SOX6: variants seen among roughly 807,000 people sequenced by gnomAD.
The protein encoded by SOX6 is transcription factor SOX-6.
SOX6 carries 11 observed loss-of-function variants against 97.8 expected under a neutral mutation model. That is an observed-to-expected ratio of 0.11 (90% CI 0.07 to 0.19). The LOEUF is 0.19. SOX6 is among the 10% of genes least tolerant of loss of function. The pLI is 1.00. For synonymous variants in SOX6, 360 were observed against 371.4 expected (o/e 0.97, Z 0.35); for missense variants, 810 against 1,039.5 (o/e 0.78, Z 3.04).
chr11:16,136,797 T>C (rs79275336), intron 6 of SOX6, among the ~76,000 whole-genome samples: 12,368 of 152,140 alleles, frequency 0.081, 1,054 homozygotes, highest in East Asian at 0.37. Context: ...TATTATGAAA[T>C]CCACTTTATT....
chr11:16,525,241 G>C (rs1490722661), intron 4 of SOX6, among the ~76,000 whole-genome samples: 3 of 152,012 alleles, frequency 2.0e-5, no homozygotes, highest in Non-Finnish European at 2.9e-5. Context: ...ATACTACAAG[G>C]CTACAGTAAC....
At chr11:16,169,278 C>A (rs1850968656) in intron 6 of SOX6, among the ~76,000 whole-genome samples, 1 of 151,992 alleles carries the variant, frequency 6.6e-6, no homozygotes, top group Admixed American at 6.6e-5. Flanking sequence ...AATCAGAAGA[C>A]AATTATTGTT....
intron 6 of SOX6, among the ~76,000 whole-genome samples, chr11:16,115,100 G>T (rs1298816339): frequency 6.6e-6 from 1 of 152,210 alleles, no homozygotes; most frequent in Admixed American, 6.5e-5. Context: ...CTAAATATTA[G>T]CCCAGAGGCT....
At chr11:16,055,172 TTTTA>T (rs1236333006) in intron 10 of SOX6, among the ~76,000 whole-genome samples, 5 of 152,292 alleles carry the variant, frequency 3.3e-5, no homozygotes, top group East Asian at 3.9e-4. Flanking sequence ...ATATTTATGA[TTTTA>T]TTTATTTGTC....
intron 1 of SOX6, among the ~76,000 whole-genome samples, chr11:16,461,215 T>A (rs1021183416): frequency 9.2e-5 from 14 of 152,118 alleles, no homozygotes; most frequent in African/African-American, 3.4e-4. Context: ...TTGCTTCCCA[T>A]AACATATACC....
At chr11:16,043,011 T>C (rs1032592613) in intron 12 of SOX6, among the ~76,000 whole-genome samples, 4 of 152,152 alleles carry the variant, frequency 2.6e-5, no homozygotes, top group African/African-American at 9.7e-5. Flanking sequence ...GTCAGAGAGT[T>C]ACAGAACATA....
At chr11:16,689,599 T>A (rs1421160972) in intron 3 of SOX6, among the ~76,000 whole-genome samples, 1 of 152,210 alleles carries the variant, frequency 6.6e-6, no homozygotes, top group Non-Finnish European at 1.5e-5. Flanking sequence ...ATTTTAGTAG[T>A]CCTAGCAGCA....
rs148091283 is a variant in SOX6, at chr11:16,467,292, T to A, written c.-5+9023A>T. On this transcript the variant is annotated intron_variant, in intron 1 of 15. Coordinates refer to the SOX6 transcript ENST00000396356. ...CCCAGCAATCCCATTACTGGGTATGTACCCAAAGGAATATAGGTCATTCTA... is the reference window on the plus strand; with the variant it reads ...CCCAGCAATCCCATTACTGGGTATGAACCCAAAGGAATATAGGTCATTCTA... 8.5e-3 allele frequency among the ~76,000 whole-genome samples: 1,291 copies of A among 152,286 alleles called. 21 individuals carry two copies. The highest frequency in any genetic ancestry group is 0.028 in the African/African-American group (1,177 of 41,554).
At position 16,719,800 on chromosome 11, in the gene SOX6, T is replaced by C. The variant is rs375332453; in HGVS notation, n.354-4895A>G. ...ATTAGCTATGCAAGGTGGTATGTGC[T>C]TGTAGTCCAGCTACTAAGGAGGCTG... On this transcript the variant is annotated intron_variant and non_coding_transcript_variant, in intron 2 of 5. Coordinates refer to the SOX6 transcript ENST00000524520. Among the ~76,000 whole-genome samples the C allele has an allele frequency of 3.3e-5, 5 of 152,186 alleles. No homozygotes were observed. The East Asian group carries it at 5.8e-4, about 18-fold the overall frequency.
intron 3 of SOX6, among the ~76,000 whole-genome samples, chr11:16,304,684 A>G (rs1249938683): frequency 6.6e-6 from 1 of 152,174 alleles, no homozygotes; most frequent in Non-Finnish European, 1.5e-5. Context: ...TGTTCGTCTT[A>G]TATCCTGTGA....
chr11:16,294,076 T>C (rs1347878708), intron 3 of SOX6, among the ~76,000 whole-genome samples: 1 of 152,046 alleles, frequency 6.6e-6, no homozygotes, highest in Non-Finnish European at 1.5e-5. Flanking sequence ...TAGGTAAGCA[T>C]GCTAATGGTT....
At chr11:16,380,128 A>C (rs1056437752) in intron 1 of SOX6, among the ~76,000 whole-genome samples, 5 of 151,882 alleles carry the variant, frequency 3.3e-5, no homozygotes, top group African/African-American at 1.2e-4. Flanking sequence ...CTTTATTTTT[A>C]TATGTATTGC....
At chr11:16,517,499 T>G (rs1860992104) in intron 4 of SOX6, among the ~76,000 whole-genome samples, 1 of 152,146 alleles carries the variant, frequency 6.6e-6, no homozygotes, top group African/African-American at 2.4e-5. Flanking sequence ...AATATAAAAT[T>G]TTACAATCAA....
intron 13 of SOX6, among the ~76,000 whole-genome samples, chr11:16,000,741 C>T (rs569692363): frequency 4.0e-5 from 6 of 151,442 alleles, no homozygotes; most frequent in Admixed American, 1.3e-4. Flanking sequence ...CGCGCGTGCG[C>T]GTGTGTGTGT....
intron 4 of SOX6, among the ~76,000 whole-genome samples, chr11:16,496,334 A>T (rs1860595191): frequency 6.8e-6 from 1 of 147,782 alleles, no homozygotes; most frequent in East Asian, 2.0e-4. Flanking sequence ...AAAAAAACAG[A>T]GGGTGGAGCC....
At chr11:16,698,525 T>C (rs776345451) in intron 3 of SOX6, among the ~76,000 whole-genome samples, 1 of 152,220 alleles carries the variant, frequency 6.6e-6, no homozygotes, top group Non-Finnish European at 1.5e-5. Context: ...CACATTGGCA[T>C]AGCACTTTGA....
At chr11:16,657,837 C>T (rs1847735345) in intron 3 of SOX6, among the ~76,000 whole-genome samples, 1 of 152,128 alleles carries the variant, frequency 6.6e-6, no homozygotes, top group Non-Finnish European at 1.5e-5. Flanking sequence ...TGTTTTCTTA[C>T]TGCTGTATTC....
intron 3 of SOX6, among the ~76,000 whole-genome samples, chr11:16,267,008 C>G (rs56036765): frequency 1 from 151,282 of 151,560 alleles, 75,503 homozygotes; most frequent in Middle Eastern, 1. Context: ...GAATGAAACT[C>G]ACTCTTATTT....
At chr11:15,987,351 C>T (rs1853887377) in intron 14 of SOX6, among the ~76,000 whole-genome samples, 1 of 152,150 alleles carries the variant, frequency 6.6e-6, no homozygotes, top group Non-Finnish European at 1.5e-5. Context: ...CCTGCTCTTT[C>T]CTGATTGTTG....
Sources: gnomAD v4.1 joint callset for allele counts (sites outside exome capture counted in the v4.1 genomes callset) on GRCh38, gnomAD v4.1.1 for gene constraint, MANE v1.5 for transcripts, NCBI Gene and HGNC (gene_info 2026-07-23, HGNC 2026-07-21) for gene names.